Variants in LEKR1 observed in about 807,000 individuals in gnomAD.
LEKR1 encodes leucine, glutamate and lysine rich 1.
In LEKR1, 59 loss-of-function variants were observed where a neutral mutation model predicts 72.4. The observed-to-expected ratio is 0.82, with a 90% CI of 0.66 to 1.01. The LOEUF is 1.01. Among genes scored for constraint, LEKR1 ranks in the 50% least tolerant of loss-of-function variants. LEKR1 has a pLI of 0.00. For synonymous variants in LEKR1, 257 were observed against 263.2 expected (o/e 0.98, Z 0.23); for missense variants, 728 against 759.2 (o/e 0.96, Z 0.48).
At chr3:156,925,790 A>G (rs1306495611) in intron 4 of LEKR1, among the ~76,000 whole-genome samples, 3 of 152,170 alleles carry the variant, frequency 2.0e-5, no homozygotes, top group Non-Finnish European at 2.9e-5. Context: ...TTCTGTTGTC[A>G]GTATACCATT....
chr3:156,877,404 T>C (rs1206021695), intron 3 of LEKR1, among the ~76,000 whole-genome samples: 1 of 152,210 alleles, frequency 6.6e-6, no homozygotes, highest in Non-Finnish European at 1.5e-5. Flanking sequence ...TATCAGTTCT[T>C]TGAATGTCTT....
At chr3:156,827,955 A>C (rs981371538) in intron 1 of LEKR1, among the ~76,000 whole-genome samples, 2 of 152,212 alleles carry the variant, frequency 1.3e-5, no homozygotes, top group Admixed American at 6.5e-5. Context: ...CTGATGGCAA[A>C]TCCACCATTA....
chr3:157,019,601 A>G (rs1263256368), intron 10 of LEKR1, among the ~76,000 whole-genome samples: 1 of 152,218 alleles, frequency 6.6e-6, no homozygotes, highest in Non-Finnish European at 1.5e-5. Flanking sequence ...TTTTCTTCTT[A>G]TCAAAATTAC....
chr3:157,007,476 C>T (rs113211004), intron 9 of LEKR1, among the ~76,000 whole-genome samples: 6 of 152,354 alleles, frequency 3.9e-5, no homozygotes, highest in South Asian at 2.1e-4. Context: ...GCGTAGGCTT[C>T]CCGTGGGATT....
intron 2 of LEKR1, among the ~76,000 whole-genome samples, chr3:156,843,287 A>G (rs1714165774): frequency 6.6e-6 from 1 of 152,170 alleles, no homozygotes; most frequent in Admixed American, 6.5e-5. Context: ...GCAATGAATA[A>G]TTTTCCTTTT....
At chr3:156,867,231 T>C (rs537388890) in intron 3 of LEKR1, among the ~76,000 whole-genome samples, 49 of 152,188 alleles carry the variant, frequency 3.2e-4, no homozygotes, top group African/African-American at 1.0e-3. Flanking sequence ...GATAGCTTAT[T>C]ATAAGTAAGA....
chr3:157,004,389 A>G (rs903791916), intron 9 of LEKR1, among the ~76,000 whole-genome samples: 3 of 152,198 alleles, frequency 2.0e-5, no homozygotes, highest in Non-Finnish European at 4.4e-5. Flanking sequence ...AAAGATGTCA[A>G]TACCCCCTCT....
intron 3 of LEKR1, among the ~76,000 whole-genome samples, chr3:156,869,265 A>G (rs1028538215): frequency 6.6e-6 from 1 of 152,008 alleles, no homozygotes; most frequent in Non-Finnish European, 1.5e-5. Flanking sequence ...GTGTTTTGAG[A>G]AATCTCCATA....
chr3:157,027,166 T>C (rs1045909526), intron 11 of LEKR1, among the ~76,000 whole-genome samples: 1 of 152,104 alleles, frequency 6.6e-6, no homozygotes, highest in Non-Finnish European at 1.5e-5. Flanking sequence ...CCATGGAAAT[T>C]ACATACAAAT....
At chr3:157,043,381 C>A (rs948085405) in intron 12 of LEKR1, among the ~76,000 whole-genome samples, 2 of 152,114 alleles carry the variant, frequency 1.3e-5, no homozygotes, top group African/African-American at 2.4e-5. Context: ...GTCTTCCCCC[C>A]ACTTTAAAAG....
chr3:157,006,502 G>A (rs1732450562), intron 9 of LEKR1, among the ~76,000 whole-genome samples: 2 of 152,150 alleles, frequency 1.3e-5, no homozygotes, highest in Admixed American at 1.3e-4. Context: ...TCATGCCTAT[G>A]TATTTACCCA....
intron 3 of LEKR1, among the ~76,000 whole-genome samples, chr3:156,910,292 C>T (rs1027395878): frequency 3.9e-5 from 6 of 152,136 alleles, no homozygotes; most frequent in Admixed American, 6.5e-5. Flanking sequence ...GCTCTCCTTC[C>T]CTCCTTTCTC....
chr3:157,043,930 A>T (rs1490274450), intron 12 of LEKR1, among the ~76,000 whole-genome samples: 2 of 152,214 alleles, frequency 1.3e-5, no homozygotes, highest in African/African-American at 4.8e-5. Context: ...TGCAGCTTTT[A>T]TAAAAAATTA....
chr3:156,880,253 T>C (rs1419542689), intron 3 of LEKR1, among the ~76,000 whole-genome samples: 2 of 152,222 alleles, frequency 1.3e-5, no homozygotes, highest in Non-Finnish European at 2.9e-5. Flanking sequence ...ATCAGCATGA[T>C]CTGGATGTGA....
chr3:157,003,353 T>C (rs1732159311), intron 9 of LEKR1, among the ~76,000 whole-genome samples: 1 of 152,212 alleles, frequency 6.6e-6, no homozygotes, highest in Non-Finnish European at 1.5e-5. Context: ...GACCATTGTA[T>C]TAGTTTCCTA....
chr3:156,872,228 G>A (rs1718038650), intron 3 of LEKR1, among the ~76,000 whole-genome samples: 1 of 151,650 alleles, frequency 6.6e-6, no homozygotes, highest in Non-Finnish European at 1.5e-5. Context: ...GTTTGTTGGT[G>A]TTTATAGTTG....
chr3:157,040,060 C>A (rs1369915482), intron 12 of LEKR1, among the ~76,000 whole-genome samples: 1 of 152,028 alleles, frequency 6.6e-6, no homozygotes, highest in Non-Finnish European at 1.5e-5. Flanking sequence ...ACCTGAGAAC[C>A]TTAGCCTTGG....
chr3:156,863,899 A>C (rs1349971284), intron 3 of LEKR1, among the ~76,000 whole-genome samples: 2 of 151,980 alleles, frequency 1.3e-5, no homozygotes, highest in African/African-American at 4.8e-5. Context: ...GTTGTACAAA[A>C]AGCCATCCAG....
intron 6 of LEKR1, among the ~76,000 whole-genome samples, chr3:156,949,455 A>C (rs1451720606): frequency 6.6e-6 from 1 of 151,662 alleles, no homozygotes; most frequent in African/African-American, 2.4e-5. Flanking sequence ...AGCTTTATCA[A>C]AGATCAGATT....
Sources: gnomAD v4.1 joint callset for allele counts (sites outside exome capture counted in the v4.1 genomes callset) on GRCh38, gnomAD v4.1.1 for gene constraint, MANE v1.5 for transcripts, NCBI Gene and HGNC (gene_info 2026-07-23, HGNC 2026-07-21) for gene names.